Variants in MARCHF1 observed in about 807,000 individuals in gnomAD.
MARCHF1 encodes E3 ubiquitin-protein ligase MARCHF1.
A neutral mutation model predicts 54.2 loss-of-function variants in MARCHF1; 40 were observed. The observed-to-expected ratio is 0.74, with a 90% CI of 0.57 to 0.96. MARCHF1 has a LOEUF of 0.96. MARCHF1 is among the 40% of genes least tolerant of loss of function. MARCHF1 has a pLI of 0.00. For synonymous variants in MARCHF1, 236 were observed against 236.3 expected (o/e 1.00, Z 0.01); for missense variants, 586 against 656.5 (o/e 0.89, Z 1.17).
At chr4:164,232,056 C>A (rs762115413) in intron 1 of MARCHF1, among the ~76,000 whole-genome samples, 5 of 152,112 alleles carry the variant, frequency 3.3e-5, no homozygotes, top group Non-Finnish European at 5.9e-5. Context: ...CATTTGCATA[C>A]AATCTTTTCT....
intron 1 of MARCHF1, among the ~76,000 whole-genome samples, chr4:164,126,236 T>C (rs1403345001): frequency 6.6e-6 from 1 of 152,182 alleles, no homozygotes; most frequent in Non-Finnish European, 1.5e-5. Flanking sequence ...GGCAGAGCCC[T>C]CATGAATGAG....
chr4:163,554,213 T>C (rs533162375), intron 8 of MARCHF1, among the ~76,000 whole-genome samples: 1 of 152,236 alleles, frequency 6.6e-6, no homozygotes, highest in Non-Finnish European at 1.5e-5. Context: ...AAAGTAATAG[T>C]AAGAGATATA....
At chr4:163,738,527 T>C (rs1299346801) in intron 4 of MARCHF1, among the ~76,000 whole-genome samples, 1 of 152,230 alleles carries the variant, frequency 6.6e-6, no homozygotes, top group African/African-American at 2.4e-5. Flanking sequence ...TGAGGAGTAA[T>C]GTATTATCAG....
chr4:163,543,575 C>T (rs923636199), intron 9 of MARCHF1, among the ~76,000 whole-genome samples: 1 of 151,940 alleles, frequency 6.6e-6, no homozygotes, highest in Non-Finnish European at 1.5e-5. Flanking sequence ...AAGTTATCAG[C>T]GGGGGCCTAC....
chr4:164,350,774 TAGGAACAGCTCCGGTCTACAGCTCCCA>T (rs1456312616), intron 1 of MARCHF1, among the ~76,000 whole-genome samples: 4 of 152,134 alleles, frequency 2.6e-5, no homozygotes, highest in African/African-American at 4.8e-5. Flanking sequence ...GATGGCCGAA[TAGGAACAGCTCCGGTCTACAGCTCCCA>T]GCGTGAGCGA....
intron 1 of MARCHF1, among the ~76,000 whole-genome samples, chr4:164,314,902 T>A (rs1268413097): frequency 6.6e-6 from 1 of 152,146 alleles, no homozygotes; most frequent in Non-Finnish European, 1.5e-5. Flanking sequence ...ACCAAGAAAA[T>A]ATCAGAAAAT....
chr4:163,903,770 G>A (rs1000450286), intron 3 of MARCHF1, among the ~76,000 whole-genome samples: 6 of 151,642 alleles, frequency 4.0e-5, no homozygotes, highest in Admixed American at 6.6e-5. Flanking sequence ...GCACCACCAC[G>A]CCAGCTAATT....
chr4:163,785,882 C>T (rs539270487), intron 4 of MARCHF1, among the ~76,000 whole-genome samples: 1 of 152,026 alleles, frequency 6.6e-6, no homozygotes, highest in East Asian at 1.9e-4. Flanking sequence ...TGAAAATATT[C>T]TGGATTATTT....
At chr4:163,788,637 A>G (rs977605902) in intron 4 of MARCHF1, among the ~76,000 whole-genome samples, 1 of 151,936 alleles carries the variant, frequency 6.6e-6, no homozygotes, top group Non-Finnish European at 1.5e-5. Context: ...GAATTTTGTA[A>G]AGAACCCCAG....
At chr4:164,230,832 T>C (rs1732395288) in intron 1 of MARCHF1, among the ~76,000 whole-genome samples, 1 of 152,178 alleles carries the variant, frequency 6.6e-6, no homozygotes, top group South Asian at 2.1e-4. Context: ...ATTATTATTC[T>C]TGGTAAAGAG....
At chr4:164,314,933 C>G (rs552782350) in intron 1 of MARCHF1, among the ~76,000 whole-genome samples, 3 of 152,202 alleles carry the variant, frequency 2.0e-5, no homozygotes, top group Non-Finnish European at 2.9e-5. Flanking sequence ...TGATTACGTT[C>G]GCTAAAAACT....
At chr4:163,742,876 T>C (rs948977067) in intron 4 of MARCHF1, among the ~76,000 whole-genome samples, 1 of 152,198 alleles carries the variant, frequency 6.6e-6, no homozygotes. Context: ...AAATATGGAC[T>C]GGTTTTTAAT....
intron 2 of MARCHF1, among the ~76,000 whole-genome samples, chr4:164,021,041 G>A (rs1486206747): frequency 1.3e-5 from 2 of 150,292 alleles, no homozygotes; most frequent in Non-Finnish European, 2.9e-5. Context: ...TAAAGACCAT[G>A]GAATCTGAGG....
intron 3 of MARCHF1, among the ~76,000 whole-genome samples, chr4:163,870,688 A>T (rs1326178913): frequency 1.3e-5 from 2 of 152,138 alleles, no homozygotes; most frequent in Non-Finnish European, 2.9e-5. Flanking sequence ...ATTCGCAAAA[A>T]AATGGATGAG....
chr4:164,303,198 G>A (rs111815154), intron 1 of MARCHF1, among the ~76,000 whole-genome samples: 3,684 of 152,142 alleles, frequency 0.024, 41 homozygotes, highest in African/African-American at 0.03. Flanking sequence ...TACTCAGCTC[G>A]GTTTTGTTTT....
intron 5 of MARCHF1, among the ~76,000 whole-genome samples, chr4:163,621,624 T>C (rs1212457993): frequency 6.6e-6 from 1 of 152,178 alleles, no homozygotes; most frequent in Non-Finnish European, 1.5e-5. Flanking sequence ...GTTCTGGGCA[T>C]AATTTTACTA....
intron 1 of MARCHF1, chr4:164,188,619 C>A: frequency 1.0e-6 from 1 of 983,740 alleles, no homozygotes; most frequent in Non-Finnish European, 1.7e-6. Flanking sequence ...GATGCCGCCA[C>A]GAACCAGCTC....
chr4:163,899,631 A>C (rs1205593636), intron 3 of MARCHF1, among the ~76,000 whole-genome samples: 2 of 152,092 alleles, frequency 1.3e-5, no homozygotes, highest in African/African-American at 4.8e-5. Context: ...TCAAATGTCC[A>C]TATCCCAGGC....
At chr4:163,843,451 C>T (rs1749396654) in intron 4 of MARCHF1, among the ~76,000 whole-genome samples, 1 of 152,224 alleles carries the variant, frequency 6.6e-6, no homozygotes, top group African/African-American at 2.4e-5. Context: ...CTGCTTACCA[C>T]AGTGGCTAAA....
Sources: allele counts gnomAD v4.1 joint callset (sites outside exome capture counted in the v4.1 genomes callset), GRCh38; gene constraint gnomAD v4.1.1; transcripts MANE v1.5; gene names NCBI Gene and HGNC (gene_info 2026-07-23, HGNC 2026-07-21).